The following DLG2 variants were observed in gnomAD, a reference collection of about 807,000 sequenced individuals.
DLG2 encodes the protein disks large homolog 2.
Under a neutral mutation model 132.5 loss-of-function variants are expected in DLG2, and 45 were observed. The observed-to-expected ratio is 0.34, with a 90% confidence interval of 0.27 to 0.44. The LOEUF (loss-of-function observed/expected upper bound fraction) is 0.44. Ranked by LOEUF, DLG2 falls within the 20% of genes least tolerant of loss-of-function variation. DLG2 has a pLI of 1.00. For missense variants in DLG2, 1,045 were observed against 1,196.9 expected (o/e 0.87, Z 1.87); for synonymous variants, 424 against 419.6 (o/e 1.01, Z -0.13).
intron 18 of DLG2, among the ~76,000 whole-genome samples, chr11:83,642,756 C>T (rs1344323263): frequency 3.3e-5 from 5 of 152,030 alleles, no homozygotes; most frequent in Non-Finnish European, 7.4e-5. Flanking sequence ...TTTTTTAAGG[C>T]TCTGAGATAA....
At chr11:84,489,906 A>G (rs1190905795) in intron 7 of DLG2, among the ~76,000 whole-genome samples, 1 of 152,104 alleles carries the variant, frequency 6.6e-6, no homozygotes, top group Admixed American at 6.6e-5. Context: ...AGAAATAGGG[A>G]AGAAAAAGGA....
intron 6 of DLG2, among the ~76,000 whole-genome samples, chr11:84,670,382 G>T (rs891027590): frequency 2.0e-5 from 3 of 152,076 alleles, no homozygotes; most frequent in African/African-American, 7.2e-5. Context: ...AGTTATACAT[G>T]ATTTTGATGT....
At chr11:85,426,205 C>T (rs1407643979) in intron 3 of DLG2, among the ~76,000 whole-genome samples, 1 of 152,210 alleles carries the variant, frequency 6.6e-6, no homozygotes, top group Non-Finnish European at 1.5e-5. Flanking sequence ...GACTCTACCT[C>T]TGGGGGCAGG....
At chr11:84,769,571 A>G (rs1412773729) in intron 6 of DLG2, among the ~76,000 whole-genome samples, 1 of 152,334 alleles carries the variant, frequency 6.6e-6, no homozygotes, top group Non-Finnish European at 1.5e-5. Flanking sequence ...ATAATTCAAG[A>G]AAATTTCACT....
chr11:83,544,030 A>C (rs59824513), intron 19 of DLG2, among the ~76,000 whole-genome samples: 34,020 of 152,128 alleles, frequency 0.22, 4,255 homozygotes, highest in African/African-American at 0.31. Context: ...GGCTGCCTAC[A>C]TGACCAGCCC....
chr11:84,395,379 C>A (rs2098807543), intron 7 of DLG2, among the ~76,000 whole-genome samples: 1 of 151,970 alleles, frequency 6.6e-6, no homozygotes, highest in Non-Finnish European at 1.5e-5. Context: ...GACACCAACC[C>A]TCTGGAATCC....
chr11:84,536,365 C>T (rs1197464522), intron 6 of DLG2, among the ~76,000 whole-genome samples: 2 of 151,956 alleles, frequency 1.3e-5, no homozygotes, highest in African/African-American at 2.4e-5. Flanking sequence ...TCCTCTACCC[C>T]ATAAAGAGAT....
At chr11:84,734,127 T>C (rs2063515420) in intron 6 of DLG2, among the ~76,000 whole-genome samples, 1 of 152,206 alleles carries the variant, frequency 6.6e-6, no homozygotes, top group African/African-American at 2.4e-5. Context: ...GCGGGCTCTT[T>C]TTTGGTTCCA....
chr11:84,858,280 G>C (rs952263672), intron 6 of DLG2, among the ~76,000 whole-genome samples: 2 of 151,730 alleles, frequency 1.3e-5, no homozygotes, highest in Non-Finnish European at 2.9e-5. Context: ...GCCCAGAAAA[G>C]TCATTCCTAC....
At chr11:84,811,957 C>T (rs935102650) in intron 6 of DLG2, among the ~76,000 whole-genome samples, 1 of 152,084 alleles carries the variant, frequency 6.6e-6, no homozygotes, top group Non-Finnish European at 1.5e-5. Flanking sequence ...CCCAGCCAGG[C>T]ACAAGGGTGT....
chr11:84,741,675 G>A (rs1164877771), intron 6 of DLG2, among the ~76,000 whole-genome samples: 5 of 151,448 alleles, frequency 3.3e-5, no homozygotes, highest in African/African-American at 1.2e-4. Context: ...CTTTCCCTAT[G>A]AAACCCACTC....
intron 19 of DLG2, among the ~76,000 whole-genome samples, chr11:83,542,364 C>T (rs11233663): frequency 0.44 from 66,709 of 151,844 alleles, 14,796 homozygotes; most frequent in Middle Eastern, 0.55. Flanking sequence ...CCATAGTAGG[C>T]GGTGATTCCT....
intron 6 of DLG2, among the ~76,000 whole-genome samples, chr11:84,929,532 T>C (rs2047850797): frequency 6.6e-6 from 1 of 152,094 alleles, no homozygotes; most frequent in Non-Finnish European, 1.5e-5. Flanking sequence ...GATGCAGGTA[T>C]ATTGAATTGG....
At chr11:83,768,925 C>T (rs2094262227) in intron 18 of DLG2, among the ~76,000 whole-genome samples, 1 of 152,166 alleles carries the variant, frequency 6.6e-6, no homozygotes, top group Non-Finnish European at 1.5e-5. Flanking sequence ...CAGAATTTTG[C>T]CTCTTCTACT....
chr11:84,150,402 CTT>C (rs1187573055), intron 9 of DLG2, among the ~76,000 whole-genome samples: 4 of 152,142 alleles, frequency 2.6e-5, no homozygotes, highest in Non-Finnish European at 5.9e-5. Flanking sequence ...GTGCTACTGA[CTT>C]TTGTATGCTG....
At chr11:85,084,460 G>C (rs960113739) in intron 6 of DLG2, among the ~76,000 whole-genome samples, 9 of 152,126 alleles carry the variant, frequency 5.9e-5, no homozygotes, top group Non-Finnish European at 1.2e-4. Context: ...GTAGTTTTGA[G>C]GAAAGTGAAG....
At chr11:85,101,167 T>C (rs911736645) in intron 6 of DLG2, among the ~76,000 whole-genome samples, 4 of 152,114 alleles carry the variant, frequency 2.6e-5, no homozygotes, top group Non-Finnish European at 5.9e-5. Flanking sequence ...TCAGATGCCA[T>C]TTCTCTTGAC....
At chr11:84,861,499 G>A (rs891099947) in intron 6 of DLG2, among the ~76,000 whole-genome samples, 1 of 151,494 alleles carries the variant, frequency 6.6e-6, no homozygotes, top group Non-Finnish European at 1.5e-5. Flanking sequence ...GTTCCAAATG[G>A]TATTGCCTAA....
At chr11:83,610,906 CA>C (rs1242914321) in intron 19 of DLG2, among the ~76,000 whole-genome samples, 1 of 152,110 alleles carries the variant, frequency 6.6e-6, no homozygotes, top group Non-Finnish European at 1.5e-5. Flanking sequence ...AATTAAAACC[CA>C]CATCATTTTA....
Sources: gnomAD v4.1 joint callset for allele counts (sites outside exome capture counted in the v4.1 genomes callset) on GRCh38, gnomAD v4.1.1 for gene constraint, MANE v1.5 for transcripts, NCBI Gene and HGNC (gene_info 2026-07-23, HGNC 2026-07-21) for gene names.